Variants in NBPF19 observed in about 807,000 individuals in gnomAD.
The protein encoded by NBPF19 is NBPF family member NBPF19.
In NBPF19, 30 loss-of-function variants were observed where a neutral mutation model predicts 45.9. The observed-to-expected ratio is 0.65, with a 90% CI of 0.49 to 0.89. The LOEUF (loss-of-function observed/expected upper bound fraction) is 0.89, where lower values mean the gene tolerates loss of function less well. NBPF19 is among the 40% of genes least tolerant of loss of function. The pLI is 0.00. For missense variants in NBPF19, 495 were observed against 471.8 expected (o/e 1.05, Z -0.46); for synonymous variants, 183 against 181.2 (o/e 1.01, Z -0.08).
In NBPF19 at chr1:149,487,342, G is replaced by A. The variant is rs1192040548; in HGVS notation, c.999G>A (p.Trp333Ter). The A allele has an allele frequency of 5.1e-6, 8 of 1,563,112 alleles. 1 individual carries two copies. Among genetic ancestry groups the A allele is most frequent in the Non-Finnish European group, 7.0e-6 (8 of 1,146,902 alleles). The stretch of plus-strand genomic sequence containing the variant: ...TGAATTTATTTGCAGGACATCGCTG[G>A]GATCAAGTGAAAAAGGAGGACCAAG... ...CMAVDIGRHR[W>*]DQVKKEDQEA... The change falls in exon 9 of 94, where the codon TGG becomes TGA. Residue 333 changes from tryptophan to a stop codon, truncating the protein, a stop_gained. Coordinates refer to ENST00000651566, the MANE Select transcript of NBPF19 (RefSeq NM_001351365.2). LOFTEE classifies it high-confidence loss of function.
intron 43 of NBPF19, 56 bp from the exon 44 acceptor site, chr1:149,514,880 G>T (rs1434659760): frequency 1.9e-6 from 1 of 525,158 alleles, no homozygotes. Context: ...CCTAGTTGGG[G>T]CTCTGTTGTG....
In NBPF19 at chr1:149,479,003, T is replaced by G; in HGVS notation, c.402T>G (p.Asp134Glu). Residue 134 changes from aspartate (D) to glutamate (E), a missense_variant, in exon 4 of 94, where the codon GAT becomes GAG. Physicochemically the swap from Asp to Glu is conservative, Grantham distance 45. Transcript: ENST00000651566. ...ATCTCCAGGCCCTCCTCACTCCGGA[T>G]GAGCCGGACAAGTCCCAGGGGCAGG... Reference protein sequence around the residue: ...NEHLQALLTPDEPDKSQGQDL... With the variant: ...NEHLQALLTPEEPDKSQGQDL... 1.3e-6 allele frequency: 2 copies of G among 1,585,030 alleles called. No individual in the cohort carries two copies. Among genetic ancestry groups the G allele is most frequent in the Admixed American group, 3.3e-5 (2 of 59,738 alleles).
At chr1:149,483,579 T>C (rs1570962395) in intron 7 of NBPF19, among the ~76,000 whole-genome samples, 1 of 150,386 alleles carries the variant, frequency 6.6e-6, no homozygotes, top group African/African-American at 2.4e-5. Context: ...CGTTATGATG[T>C]TAGCTGGTTA....
intron 9 of NBPF19, 104 bp downstream of exon 9, chr1:149,487,487 A>G (rs1156260337): frequency 2.0e-6 from 2 of 1,001,404 alleles, no homozygotes; most frequent in African/African-American, 1.6e-5. Context: ...GTCTTGTCAG[A>G]CAAGTCTGAA....
chr1:149,484,622 TCTG>T (rs1159784379), intron 7 of NBPF19, among the ~76,000 whole-genome samples: 3 of 144,418 alleles, frequency 2.1e-5, no homozygotes, highest in Non-Finnish European at 4.5e-5. Flanking sequence ...TGCCAAGAGA[TCTG>T]CTGCTAGTCT....
intron 3 of NBPF19, among the ~76,000 whole-genome samples, chr1:149,478,533 C>T (rs1373056406): frequency 4.6e-5 from 7 of 151,260 alleles, no homozygotes; most frequent in East Asian, 1.9e-4. Flanking sequence ...ATTTAGTGGC[C>T]GCAAGATGCA....
intron 6 of NBPF19, among the ~76,000 whole-genome samples, chr1:149,481,337 GCA>G (rs1312193712): frequency 7.9e-6 from 1 of 126,460 alleles, no homozygotes; most frequent in Non-Finnish European, 1.6e-5. Flanking sequence ...TTGCTTAGCT[GCA>G]CAGTCACCCT....
chr1:149,487,778 T>A (rs2085672615), intron 9 of NBPF19, among the ~76,000 whole-genome samples: 1 of 32,978 alleles, frequency 3.0e-5, no homozygotes, highest in African/African-American at 7.5e-5. Context: ...GCTCGCTCTG[T>A]GTGTGTGTGT....
At chr1:149,487,735 C>A (rs2085662007) in intron 9 of NBPF19, among the ~76,000 whole-genome samples, 1 of 148,172 alleles carries the variant, frequency 6.7e-6, no homozygotes, top group Non-Finnish European at 1.5e-5. Flanking sequence ...CCTTTGACTC[C>A]CTCATCAGTG....
intron 45 of NBPF19, among the ~76,000 whole-genome samples, chr1:149,516,315 CTCTCTG>C (rs1183342622): frequency 2.8e-5 from 3 of 108,658 alleles, no homozygotes; most frequent in Admixed American, 8.8e-5. Flanking sequence ...AGGTCACTTT[CTCTCTG>C]TCTCTGTCTC....
intron 8 of NBPF19, among the ~76,000 whole-genome samples, chr1:149,487,036 A>G (rs2085563599): frequency 6.6e-6 from 1 of 150,794 alleles, no homozygotes; most frequent in Admixed American, 6.6e-5. Flanking sequence ...ATGAGGTGTT[A>G]GAACTATTTG....
chr1:149,488,683 A>G (rs1344539877), intron 10 of NBPF19, among the ~76,000 whole-genome samples: 1 of 16,724 alleles, frequency 6.0e-5, no homozygotes, highest in Non-Finnish European at 1.1e-4. Context: ...TGATATTGGG[A>G]TAACGATCTA....
chr1:149,515,200 G>T (rs2101669053), intron 44 of NBPF19, 92 bp downstream of exon 44: 5 of 570,036 alleles, frequency 8.8e-6, no homozygotes. Flanking sequence ...TGAGCTGAGA[G>T]ATGTCGTTGC....
intron 8 of NBPF19, among the ~76,000 whole-genome samples, 189 bp downstream of exon 8, chr1:149,486,482 T>C (rs1309225314): frequency 4.0e-5 from 6 of 150,692 alleles, no homozygotes; most frequent in Non-Finnish European, 7.4e-5. Flanking sequence ...GTCAGTGAGC[T>C]TTACTCTCTT....
chr1:149,490,946 C>T (rs2085836782), intron 13 of NBPF19, among the ~76,000 whole-genome samples, 193 bp from the exon 14 acceptor site: 2 of 131,472 alleles, frequency 1.5e-5, no homozygotes, highest in South Asian at 5.4e-4. Context: ...GTGTGTGTGT[C>T]CATCTGTCTC....
In NBPF19 at chr1:149,479,668, C is replaced by T. The variant is rs1385768692; in HGVS notation, c.494-474C>T. On this transcript the variant is annotated intron_variant, in intron 4 of 93. Transcript: ENST00000651566. ...GGAAGTGCTTCAGACTGGAGCACTC[C>T]CCATGGATAGAATGTCCCTGAATAA... Among the ~76,000 whole-genome samples, 1,378 of 149,004 alleles carry T rather than the reference C, an allele frequency of 9.2e-3. 49 individuals carry two copies. Among genetic ancestry groups the T allele is most frequent in the African/African-American group, 0.032 (1,307 of 40,500 alleles).
chr1:149,487,495 G>A, intron 9 of NBPF19, 112 bp downstream of exon 9: 3 of 996,620 alleles, frequency 3.0e-6, no homozygotes, highest in East Asian at 2.4e-5. Context: ...AGACAAGTCT[G>A]AATTATGCCT....
chr1:149,554,515 A>G lies in NBPF19; in HGVS notation c.11309A>G (p.Glu3770Gly). Residue 3770 changes from glutamate (E) to glycine (G), a missense_variant, in exon 94 of 94, where the codon GAA becomes GGA. Transcript: ENST00000651566. ...TCCAGGCTCAACAGCGTGCTGATGG[A>G]AGTGGAAGAGCCTGAAGTCTTACAG... ...PCPRLNSVLMEVEEPEVLQDS... is the reference protein window; with the variant it reads ...PCPRLNSVLMGVEEPEVLQDS... 1 of 1,608,130 alleles carries G rather than the reference A, an allele frequency of 6.2e-7. No homozygotes were observed. Among genetic ancestry groups the G allele is most frequent in the Non-Finnish European group, 8.5e-7 (1 of 1,176,684 alleles).
In NBPF19 at chr1:149,494,039, C is replaced by A. The variant is rs1332015013; in HGVS notation, c.1998-279C>A. Among the ~76,000 whole-genome samples, 2 of 113,228 alleles carry A rather than the reference C, an allele frequency of 1.8e-5. 1 individual carries two copies. The highest frequency in any genetic ancestry group is 9.0e-5 in the African/African-American group (2 of 22,308). The allele number at this position is 113,228 out of a possible 152,430, so 74.3% of individuals were successfully genotyped here. ...TCCCGAGGGCACTAACTCAGAGTGT[C>A]CTTTGACCCCTTCATCAGTGTGTCA... On this transcript the variant is annotated intron_variant, in intron 17 of 93. Coordinates refer to ENST00000651566, the MANE Select transcript of NBPF19 (RefSeq NM_001351365.2).
Sources: gnomAD v4.1 joint callset for allele counts (sites outside exome capture counted in the v4.1 genomes callset) on GRCh38, gnomAD v4.1.1 for gene constraint, MANE v1.5 for transcripts, NCBI Gene and HGNC (gene_info 2026-07-23, HGNC 2026-07-21) for gene names.